KCNA6: variants seen among roughly 807,000 people sequenced by gnomAD.
KCNA6 encodes the protein human brain potassium channel-2.
KCNA6 carries 17 observed loss-of-function variants against 29.5 expected under a neutral mutation model. The ratio of observed to expected loss-of-function variants is 0.58; its 90% CI spans 0.39 to 0.86. The LOEUF (loss-of-function observed/expected upper bound fraction) is 0.86, where lower values mean the gene tolerates loss of function less well. KCNA6 is among the 40% of genes least tolerant of loss of function. The probability of loss-of-function intolerance (pLI) is 0.00; values close to 1 mark genes in which losing one functional copy is unlikely to be tolerated. For synonymous variants in KCNA6, 296 were observed against 304.7 expected, an observed-to-expected ratio of 0.97 and a Z score of 0.30; for missense variants, 450 against 703.4, an observed-to-expected ratio of 0.64 and a Z score of 4.07.
the KCNA6 span, among the ~76,000 whole-genome samples, chr12:4,827,095 CCT>C: frequency 6.3e-4 from 93 of 148,630 alleles, no homozygotes; most frequent in Admixed American, 2.7e-4. Context: ...TCCATCGTCC[CCT>C]CTCTCTTCCC....
the KCNA6 span, among the ~76,000 whole-genome samples, chr12:4,829,241 G>T: frequency 6.6e-6 from 1 of 152,104 alleles, no homozygotes; most frequent in Non-Finnish European, 1.5e-5. Context: ...GCAGGAATAG[G>T]ATGGGATTTG....
the KCNA6 span, among the ~76,000 whole-genome samples, chr12:4,843,047 AAGGG>A: frequency 6.6e-6 from 1 of 152,176 alleles, no homozygotes; most frequent in African/African-American, 2.4e-5. Flanking sequence ...GATAGACAGA[AAGGG>A]AGGAAGAGGA....
chr12:4,828,107 A>G, the KCNA6 span, among the ~76,000 whole-genome samples: 1 of 152,128 alleles, frequency 6.6e-6, no homozygotes, highest in African/African-American at 2.4e-5. Context: ...AACTTTGTCT[A>G]TGTCTGTATC....
downstream of KCNA6, among the ~76,000 whole-genome samples, chr12:4,816,219 C>T (rs558252827): frequency 9.3e-5 from 14 of 150,274 alleles, no homozygotes; most frequent in East Asian, 1.4e-3. Context: ...TGCAGTCGAT[C>T]GTTGCTATTC....
the KCNA6 span, among the ~76,000 whole-genome samples, chr12:4,831,941 T>C: frequency 2.0e-5 from 3 of 152,198 alleles, no homozygotes; most frequent in Non-Finnish European, 4.4e-5. Context: ...CACTCTGGTC[T>C]CACAGAAACA....
At chr12:4,835,356 G>T in the KCNA6 span, among the ~76,000 whole-genome samples, 10 of 152,088 alleles carry the variant, frequency 6.6e-5, no homozygotes, top group South Asian at 2.1e-3. Context: ...GGATGGTCTC[G>T]ATCTCCTGAC....
the KCNA6 span, chr12:4,850,940 G>T: frequency 2.6e-6 from 1 of 389,124 alleles, no homozygotes; most frequent in South Asian, 1.9e-5. This position sits in a 1 kb window ranked among gnomAD's most constrained non-coding sequence, Gnocchi z 5.4. Flanking sequence ...TAAAGATGGG[G>T]CCCAGAATGT....
the KCNA6 span, among the ~76,000 whole-genome samples, chr12:4,832,359 G>A: frequency 6.6e-6 from 1 of 152,204 alleles, no homozygotes; most frequent in Admixed American, 6.5e-5. Context: ...CACCCCAGCG[G>A]CAGTGCGCCC....
the KCNA6 span, among the ~76,000 whole-genome samples, chr12:4,848,762 A>C: frequency 4.3e-4 from 66 of 152,098 alleles, no homozygotes; most frequent in Admixed American, 1.6e-3. Flanking sequence ...CCAACTTTTT[A>C]ATCAGCCATT....
the KCNA6 span, among the ~76,000 whole-genome samples, chr12:4,835,630 C>G: frequency 6.6e-6 from 1 of 152,070 alleles, no homozygotes; most frequent in African/African-American, 2.4e-5. Context: ...AGGAGACTTC[C>G]TCATGGGACA....
downstream of KCNA6, chr12:4,814,927 C>T (rs1208765993): frequency 2.5e-5 from 4 of 160,770 alleles, no homozygotes; most frequent in African/African-American, 4.8e-5. The surrounding 1 kb of genome is among the most constrained non-coding windows in gnomAD (Gnocchi z 4.6). Context: ...GGGGCTACCT[C>T]GCTTTTTCTG....
In KCNA6 at chr12:4,810,596, C is replaced by A. The variant is rs554432670; in HGVS notation, c.555C>A (p.Leu185=). ...CCATCGTCTCCGTGTTGGTCATTCT[C>A]ATCTCCATAGTCATCTTTTGCCTGG... is the stretch of plus-strand genomic sequence containing the variant. The change falls in exon 1 of 1, where the codon CTC becomes CTA. Residue 185 remains leucine, a synonymous_variant. Transcript: ENST00000280684. The surrounding 1 kb of genome is among the most constrained non-coding windows in gnomAD (Gnocchi z 7.5). 11 of 1,614,202 alleles carry A rather than the reference C, an allele frequency of 6.8e-6. 1 individual carries two copies. The Middle Eastern group carries it at 1.6e-3, about 242-fold the overall frequency.
the KCNA6 span, among the ~76,000 whole-genome samples, chr12:4,822,088 G>A: frequency 1.3e-5 from 2 of 152,134 alleles, no homozygotes; most frequent in Non-Finnish European, 2.9e-5. Context: ...GCCCACCTTG[G>A]CCTCCCAAAG....
At chr12:4,821,418 A>ATGTG in the KCNA6 span, among the ~76,000 whole-genome samples, 13,215 of 143,248 alleles carry the variant, frequency 0.092, 641 homozygotes, top group African/African-American at 0.12. Flanking sequence ...ACTCACTTGG[A>ATGTG]TGTGTGTGTG....
exon 1 of KCNA6, chr12:4,812,175 T>TTTGCATAGCCTCAAAATAGG (rs1946638975): frequency 5.9e-6 from 1 of 169,064 alleles, no homozygotes; most frequent in South Asian, 2.1e-4. Flanking sequence ...AGAGTCTTTA[T>TTTGCATAGCCTCAAAATAGG]TTGCATAGCC....
At chr12:4,815,442 G>A (rs979992208), downstream of KCNA6, among the ~76,000 whole-genome samples, 2 of 152,158 alleles carry the variant, frequency 1.3e-5, no homozygotes, top group Non-Finnish European at 2.9e-5. Flanking sequence ...ATGAGAGAAG[G>A]CAGGCTGGGA....
At chr12:4,831,287 C>G in the KCNA6 span, among the ~76,000 whole-genome samples, 38,447 of 151,988 alleles carry the variant, frequency 0.25, 5,173 homozygotes, top group Middle Eastern at 0.37. Context: ...CTTTACTGTT[C>G]TGGTTGGGCA....
Position 4,811,775 on chromosome 12 carries a change from C to T in KCNA6, c.*144C>T. On this transcript the variant is annotated 3_prime_UTR_variant, in exon 1 of 1. Coordinates refer to ENST00000280684, the Ensembl canonical transcript of KCNA6. The surrounding 1 kb of genome is among the most constrained non-coding windows in gnomAD (Gnocchi z 7.1). ...ACTACCTGGCATCCAGGACCAAATA[C>T]CTGGACTATCAACCTTGTTGCTTAA... 1.1e-6 allele frequency: 1 copy of T among 877,056 alleles called. No homozygotes were observed. Among genetic ancestry groups the T allele is most frequent in the Admixed American group, 2.6e-5 (1 of 37,884 alleles). 54.3% of individuals were successfully genotyped at this position (877,056 alleles called of 1,614,324 possible). A position where few individuals can be genotyped will look rare whatever the true frequency, so the allele number is the denominator to read the frequency against.
the KCNA6 span, among the ~76,000 whole-genome samples, chr12:4,820,586 C>A: frequency 1.3e-5 from 2 of 151,690 alleles, no homozygotes; most frequent in African/African-American, 2.4e-5. Context: ...CACACACACA[C>A]ACACACTCTT....
Sources: gnomAD v4.1 joint callset for allele counts (sites outside exome capture counted in the v4.1 genomes callset) on GRCh38, gnomAD v4.1.1 for gene constraint, Gnocchi (gnomAD v3.1) non-coding constraint, MANE v1.5 for transcripts, NCBI Gene and HGNC (gene_info 2026-07-23, HGNC 2026-07-21) for gene names.